WNK2: variants seen among roughly 807,000 people sequenced by gnomAD.
WNK2 encodes the protein serine/threonine-protein kinase WNK2.
In WNK2, 67 loss-of-function variants were observed where a neutral mutation model predicts 192.1. The ratio of observed to expected loss-of-function variants is 0.35; its 90% CI spans 0.29 to 0.43. The LOEUF is 0.43. Ranked by LOEUF, WNK2 falls within the 20% of genes least tolerant of loss-of-function variation. The pLI, the probability that WNK2 is intolerant of heterozygous loss-of-function variation, is 1.00. For missense variants in WNK2, 2,698 were observed against 3,089.7 expected (o/e 0.87, Z 3.01); for synonymous variants, 1,439 against 1,393.9 (o/e 1.03, Z -0.72).
At chr9:93,299,637 G>A (rs1308863166) in intron 25 of WNK2, among the ~76,000 whole-genome samples, 4 of 151,524 alleles carry the variant, frequency 2.6e-5, no homozygotes, top group Non-Finnish European at 4.4e-5. Context: ...GCTAAACACC[G>A]GGTCCTTCCA....
chr9:93,269,336 C>A (rs148300140), intron 19 of WNK2, among the ~76,000 whole-genome samples: 3,367 of 152,238 alleles, frequency 0.022, 56 homozygotes, highest in Non-Finnish European at 0.035. Context: ...AATTCCTTAC[C>A]AGTTGGCAGG....
Position 93,292,646 on chromosome 9 carries a change from G to T in WNK2, c.5181G>T (p.Gly1727=), listed in dbSNP as rs1221568015. Residue 1727 remains glycine (G), a synonymous_variant, in exon 23 of 30, where the codon GGG becomes GGT. Transcript: ENST00000427277. ...HPQTLGARAL[G]SPRKRPEQQD... ...AGACACTCGGCGCTCGAGCTTTGGG[G>T]TCCCCTCGGAAACGTCCAGAGCAGC... 3.8e-6 allele frequency: 6 copies of T among 1,581,938 alleles called. No individual in the cohort carries two copies. Among genetic ancestry groups the T allele is most frequent in the African/African-American group, 2.7e-5 (2 of 73,858 alleles).
In WNK2 at chr9:93,293,015, C is replaced by T. The variant is rs149097001; in HGVS notation, c.5550C>T (p.Ala1850=). 8.9e-5 allele frequency: 142 copies of T among 1,597,636 alleles called. No individual in the cohort carries two copies. Among genetic ancestry groups the T allele is most frequent in the Non-Finnish European group, 1.1e-4 (124 of 1,172,812 alleles). Residue 1850 remains alanine (A), a synonymous_variant, in exon 23 of 30, where the codon GCC becomes GCT. Coordinates refer to ENST00000427277, the MANE Select transcript of WNK2 (RefSeq NM_006648.4). ...ATAFLQRPSR[A]GSLGPETPSR... ...CCTTCCTGCAGAGGCCTTCTCGGGC[C>T]GGCTCGCTGGGCCCCGAGACACCCA...
intron 2 of WNK2, among the ~76,000 whole-genome samples, chr9:93,201,553 T>C (rs1832358518): frequency 6.6e-6 from 1 of 152,240 alleles, no homozygotes; most frequent in South Asian, 2.1e-4. Context: ...CCCTGGGCAC[T>C]GTGTGCAGAA....
At chr9:93,217,683 G>GC (rs1167409757) in intron 2 of WNK2, among the ~76,000 whole-genome samples, 2 of 152,162 alleles carry the variant, frequency 1.3e-5, no homozygotes, top group Non-Finnish European at 2.9e-5. Flanking sequence ...ATCTGTTGGT[G>GC]CCCCCACTCC....
chr9:93,221,826 G>A (rs1358566125), intron 2 of WNK2, among the ~76,000 whole-genome samples: 1 of 152,204 alleles, frequency 6.6e-6, no homozygotes, highest in African/African-American at 2.4e-5. Flanking sequence ...GGGAATGGAG[G>A]TTGCGTCCTG....
chr9:93,222,345 C>T (rs946034044), intron 2 of WNK2, among the ~76,000 whole-genome samples: 13 of 152,072 alleles, frequency 8.5e-5, no homozygotes, highest in African/African-American at 3.1e-4. Flanking sequence ...ATAATTCCTC[C>T]CTCCCTTTTT....
intron 7 of WNK2, among the ~76,000 whole-genome samples, chr9:93,246,463 G>A (rs1007017486): frequency 1.3e-5 from 2 of 152,222 alleles, no homozygotes; most frequent in East Asian, 1.9e-4. Flanking sequence ...TGCCTGTGCA[G>A]TCTGTCTGTG....
intron 9 of WNK2, among the ~76,000 whole-genome samples, chr9:93,254,318 CCTT>C (rs1480766753): frequency 2.6e-5 from 4 of 152,350 alleles, no homozygotes; most frequent in East Asian, 1.9e-4. Context: ...GGGCCAAGCT[CCTT>C]CTTCCCTCGT....
At chr9:93,269,999 A>T (rs1845796168) in intron 19 of WNK2, among the ~76,000 whole-genome samples, 2 of 152,204 alleles carry the variant, frequency 1.3e-5, no homozygotes, top group Admixed American at 1.3e-4. Context: ...AGACATAGGG[A>T]TGTGAACCTA....
chr9:93,313,772 C>A (rs538941179), intron 28 of WNK2, among the ~76,000 whole-genome samples: 2 of 152,172 alleles, frequency 1.3e-5, no homozygotes, highest in South Asian at 4.1e-4. Flanking sequence ...CATCATATAT[C>A]TTTTGTCATA....
rs115045176 is a variant in WNK2 at position 93,305,636 on chromosome 9, C to T, written c.6215-1141C>T. ...CAAGTCCAGGATGCACAACTCAGGC[C>T]GAGCTTGGGCCAAGGAGCTGGACGA... is the stretch of plus-strand genomic sequence containing the variant. On this transcript the variant is annotated intron_variant, in intron 26 of 29. Coordinates refer to ENST00000427277, the MANE Select transcript of WNK2 (RefSeq NM_006648.4). Among the ~76,000 whole-genome samples the T allele has an allele frequency of 1.0e-2, 1,518 of 152,332 alleles. 23 individuals are homozygous for T. Among genetic ancestry groups the T allele is most frequent in the African/African-American group, 0.034 (1,421 of 41,574 alleles).
intron 17 of WNK2, 29 bp from the exon 18 acceptor site, chr9:93,267,991 G>T (rs371807810): frequency 1.9e-5 from 30 of 1,608,690 alleles, no homozygotes; most frequent in African/African-American, 2.7e-5. Context: ...AGCTCAGTGG[G>T]CTCATTTCTG....
intron 25 of WNK2, among the ~76,000 whole-genome samples, chr9:93,299,735 C>T (rs951797544): frequency 6.6e-5 from 10 of 152,212 alleles, no homozygotes; most frequent in Admixed American, 3.9e-4. Flanking sequence ...GTCAACGCTG[C>T]GTGGACAGCA....
chr9:93,226,335 C>T (rs945731381), intron 2 of WNK2, among the ~76,000 whole-genome samples: 1 of 152,224 alleles, frequency 6.6e-6, no homozygotes, highest in African/African-American at 2.4e-5. Context: ...TTCATGGTGT[C>T]TGTTCTTAGA....
chr9:93,201,172 G>T (rs1279496124), intron 2 of WNK2, among the ~76,000 whole-genome samples: 2 of 152,144 alleles, frequency 1.3e-5, no homozygotes, highest in Non-Finnish European at 2.9e-5. Context: ...TGCTTGGGAT[G>T]AGTCTGTGTG....
chr9:93,310,140 A>G (rs1853383958), intron 28 of WNK2, among the ~76,000 whole-genome samples: 1 of 152,116 alleles, frequency 6.6e-6, no homozygotes, highest in Non-Finnish European at 1.5e-5. Context: ...CCACACTCCC[A>G]AGCTCCGCCA....
intron 2 of WNK2, among the ~76,000 whole-genome samples, chr9:93,195,706 A>AAAAAAT (rs1357093330): frequency 6.8e-6 from 1 of 147,620 alleles, no homozygotes; most frequent in Admixed American, 6.7e-5. Flanking sequence ...TCTCAAAAAA[A>AAAAAAT]AAAAAAAAAA....
intron 26 of WNK2, among the ~76,000 whole-genome samples, chr9:93,305,994 G>A (rs1852457666): frequency 6.6e-6 from 1 of 151,856 alleles, no homozygotes; most frequent in Admixed American, 6.6e-5. Flanking sequence ...TGGGGACCTT[G>A]TCCCCACCAG....
Sources: allele counts gnomAD v4.1 joint callset (sites outside exome capture counted in the v4.1 genomes callset), GRCh38; gene constraint gnomAD v4.1.1; transcripts MANE v1.5; gene names NCBI Gene and HGNC (gene_info 2026-07-23, HGNC 2026-07-21).